The following GRM8 variants were observed in gnomAD, a reference collection of about 807,000 sequenced individuals.
The protein encoded by GRM8 is glutamate metabotropic receptor 8.
A neutral mutation model predicts 87.2 loss-of-function variants in GRM8; 47 were observed. The ratio of observed to expected loss-of-function variants is 0.54; its 90% CI spans 0.43 to 0.69. The LOEUF (loss-of-function observed/expected upper bound fraction) is 0.69. Among genes scored for constraint, GRM8 ranks in the 30% least tolerant of loss-of-function variants. The pLI, the probability that GRM8 is intolerant of heterozygous loss-of-function variation, is 0.00. For missense variants in GRM8, 1,019 were observed against 1,139.2 expected (o/e 0.89, Z 1.52); for synonymous variants, 396 against 404.5 (o/e 0.98, Z 0.25).
Position 126,612,012 on chromosome 7 carries a change from G to A in GRM8, c.1358-2514C>T, listed in dbSNP as rs151223769. Among the ~76,000 whole-genome samples the A allele has an allele frequency of 5.7e-3, 875 of 152,200 alleles. 3 individuals carry two copies. Among genetic ancestry groups the A allele is most frequent in the Middle Eastern group, 0.01 (3 of 294 alleles). The stretch of plus-strand genomic sequence containing the variant: ...TGGAGACAGATCATTGGGTTCAAAC[G>A]CCCCTCTGTCACTTATTGATGTGGT... On this transcript the variant is annotated intron_variant, in intron 7 of 10. Transcript: ENST00000339582.
intron 10 of GRM8, among the ~76,000 whole-genome samples, chr7:126,439,852 G>GTGTT (rs1801256396): frequency 1.3e-5 from 2 of 151,574 alleles, no homozygotes; most frequent in African/African-American, 4.8e-5. Context: ...GTGTGTGTGT[G>GTGTT]TGTGTCTTAG....
chr7:126,687,571 T>C (rs1188104175), intron 7 of GRM8, among the ~76,000 whole-genome samples: 1 of 151,684 alleles, frequency 6.6e-6, no homozygotes, highest in Non-Finnish European at 1.5e-5. Flanking sequence ...TATTTATGCC[T>C]TGTTGTAAAT....
At chr7:127,186,016 A>G (rs768707448) in intron 2 of GRM8, among the ~76,000 whole-genome samples, 1 of 152,198 alleles carries the variant, frequency 6.6e-6, no homozygotes, top group Non-Finnish European at 1.5e-5. Context: ...TATTTGTACT[A>G]TGGAGAATAC....
At chr7:126,651,053 C>T (rs1050903434) in intron 7 of GRM8, among the ~76,000 whole-genome samples, 3 of 152,092 alleles carry the variant, frequency 2.0e-5, no homozygotes, top group Non-Finnish European at 2.9e-5. Flanking sequence ...TGTTCCATCA[C>T]GGAAAGGGCA....
intron 2 of GRM8, among the ~76,000 whole-genome samples, chr7:127,142,154 A>C (rs760742176): frequency 1.3e-5 from 2 of 151,878 alleles, no homozygotes; most frequent in Non-Finnish European, 2.9e-5. Context: ...TTTTTTAAAA[A>C]TTTTGTAGAG....
intron 8 of GRM8, among the ~76,000 whole-genome samples, chr7:126,593,711 C>T (rs12533543): frequency 0.31 from 46,930 of 151,710 alleles, 8,133 homozygotes; most frequent in East Asian, 0.44. Flanking sequence ...GGATGTGACT[C>T]CAAAAGCACA....
At chr7:126,785,390 G>A (rs1461192080) in intron 6 of GRM8, among the ~76,000 whole-genome samples, 4 of 152,106 alleles carry the variant, frequency 2.6e-5, no homozygotes, top group East Asian at 3.9e-4. Context: ...ACACACCAAT[G>A]CTACCTAGGC....
At chr7:126,655,638 G>C (rs149808448) in intron 7 of GRM8, among the ~76,000 whole-genome samples, 42 of 152,292 alleles carry the variant, frequency 2.8e-4, no homozygotes, top group African/African-American at 8.4e-4. Flanking sequence ...AAACACATGA[G>C]ATGACATTTT....
At chr7:126,832,786 A>G (rs1795517459) in intron 6 of GRM8, among the ~76,000 whole-genome samples, 1 of 152,200 alleles carries the variant, frequency 6.6e-6, no homozygotes, top group South Asian at 2.1e-4. Context: ...TTTCTAAAGC[A>G]TTTTGCAGTT....
intron 7 of GRM8, among the ~76,000 whole-genome samples, chr7:126,617,659 G>A (rs1799656332): frequency 6.6e-6 from 1 of 152,166 alleles, no homozygotes; most frequent in Admixed American, 6.5e-5. Context: ...TCCTTAAGCT[G>A]ATAAGCAACT....
intron 6 of GRM8, among the ~76,000 whole-genome samples, chr7:126,892,021 TA>T (rs5887316): frequency 5.3e-4 from 50 of 95,062 alleles, no homozygotes; most frequent in South Asian, 1.3e-3. Context: ...TCTTGCAGGG[TA>T]AAAAAAAAAA....
chr7:126,776,549 T>G (rs1238234422), intron 6 of GRM8, among the ~76,000 whole-genome samples: 1 of 152,194 alleles, frequency 6.6e-6, no homozygotes, highest in Non-Finnish European at 1.5e-5. Flanking sequence ...AGATGTTTAA[T>G]TATTAAAAGA....
intron 9 of GRM8, among the ~76,000 whole-genome samples, chr7:126,448,273 G>A (rs909197516): frequency 5.9e-5 from 9 of 151,792 alleles, no homozygotes; most frequent in East Asian, 1.9e-4. Flanking sequence ...ATCCAACGAC[G>A]AAACAGCCAT....
chr7:126,447,953 G>A (rs1802201489), intron 9 of GRM8, among the ~76,000 whole-genome samples: 1 of 151,962 alleles, frequency 6.6e-6, no homozygotes, highest in South Asian at 2.1e-4. Flanking sequence ...CCATCCCAAT[G>A]AAATAGGGAT....
intron 3 of GRM8, among the ~76,000 whole-genome samples, chr7:126,956,314 A>G (rs1300135799): frequency 2.0e-5 from 3 of 152,210 alleles, no homozygotes; most frequent in Admixed American, 2.0e-4. Context: ...AGGATCCACT[A>G]TATCACTTAC....
At chr7:126,620,545 C>A (rs73449259) in intron 7 of GRM8, among the ~76,000 whole-genome samples, 92 of 151,670 alleles carry the variant, frequency 6.1e-4, no homozygotes, top group African/African-American at 2.1e-3. Flanking sequence ...TTGAATATTG[C>A]GCAGGGGAAG....
intron 6 of GRM8, among the ~76,000 whole-genome samples, chr7:126,874,481 T>A (rs539625773): frequency 5.3e-5 from 8 of 152,224 alleles, no homozygotes; most frequent in East Asian, 3.9e-4. Context: ...CTGATTTTTT[T>A]AAATAATAAT....
At chr7:126,771,725 C>T (rs1239769156) in intron 6 of GRM8, among the ~76,000 whole-genome samples, 3 of 152,090 alleles carry the variant, frequency 2.0e-5, no homozygotes, top group Non-Finnish European at 4.4e-5. Flanking sequence ...CATATCTCTA[C>T]GTAGTCTGCT....
intron 2 of GRM8, among the ~76,000 whole-genome samples, chr7:127,187,438 G>C (rs1303019380): frequency 6.6e-6 from 1 of 152,046 alleles, no homozygotes; most frequent in African/African-American, 2.4e-5. Flanking sequence ...ATTGAAATAA[G>C]AACTGCATGT....
Sources: gnomAD v4.1 joint callset for allele counts (sites outside exome capture counted in the v4.1 genomes callset) on GRCh38, gnomAD v4.1.1 for gene constraint, MANE v1.5 for transcripts, NCBI Gene and HGNC (gene_info 2026-07-23, HGNC 2026-07-21) for gene names.